PLPP4: variants seen among roughly 807,000 people sequenced by gnomAD.
The protein encoded by PLPP4 is phospholipid phosphatase 4.
A neutral mutation model predicts 32.2 loss-of-function variants in PLPP4; 20 were observed. That is an observed-to-expected ratio of 0.62 (90% CI 0.44 to 0.90). PLPP4 has a LOEUF of 0.90. PLPP4 is among the 40% of genes least tolerant of loss of function. PLPP4 has a pLI of 0.00. For synonymous variants in PLPP4, 127 were observed against 133.0 expected (o/e 0.95, Z 0.31); for missense variants, 257 against 353.1 (o/e 0.73, Z 2.18).
intron 3 of PLPP4, among the ~76,000 whole-genome samples, chr10:120,517,868 C>A (rs2133901097): frequency 6.6e-6 from 1 of 152,296 alleles, no homozygotes; most frequent in Middle Eastern, 3.4e-3. Context: ...CCCGAAAATG[C>A]CCCCATTCAC....
chr10:120,580,671 A>ACG (rs1849459553), intron 6 of PLPP4, among the ~76,000 whole-genome samples: 2 of 146,868 alleles, frequency 1.4e-5, no homozygotes, highest in Non-Finnish European at 3.0e-5. Context: ...ACACACACAC[A>ACG]CACACACACG....
intron 6 of PLPP4, among the ~76,000 whole-genome samples, chr10:120,578,231 G>A (rs939811215): frequency 2.6e-5 from 4 of 152,218 alleles, no homozygotes; most frequent in African/African-American, 9.7e-5. Flanking sequence ...GAGAAATCAA[G>A]GAGACCTCAA....
intron 1 of PLPP4, among the ~76,000 whole-genome samples, chr10:120,463,910 G>A (rs1365786408): frequency 6.6e-6 from 1 of 152,110 alleles, no homozygotes; most frequent in Non-Finnish European, 1.5e-5. Flanking sequence ...AACCTCCCAG[G>A]CTCAAGCAAT....
At chr10:120,544,980 G>A (rs537010378) in intron 5 of PLPP4, among the ~76,000 whole-genome samples, 5 of 152,336 alleles carry the variant, frequency 3.3e-5, no homozygotes, top group South Asian at 2.1e-4. Context: ...CTCCCTGAGC[G>A]TTTGGTTTTG....
intron 6 of PLPP4, among the ~76,000 whole-genome samples, chr10:120,580,343 A>G (rs956682666): frequency 1.3e-5 from 2 of 152,056 alleles, no homozygotes; most frequent in East Asian, 1.9e-4. Context: ...GCTTCTTCCA[A>G]TTGTTGTCAT....
At chr10:120,550,729 C>T (rs1051077914) in intron 5 of PLPP4, among the ~76,000 whole-genome samples, 24 of 151,832 alleles carry the variant, frequency 1.6e-4, no homozygotes, top group Admixed American at 2.6e-4. Flanking sequence ...TGACCCCTAC[C>T]TCATGCTATA....
Position 120,521,109 on chromosome 10 carries a change from T to A in PLPP4, c.445+14T>A, listed in dbSNP as rs201199852. ...TCCATTCCTCCTGTAAGTTCATGGC[T>A]GGGATTCTCTTAATGCCCCCAGTCA... On this transcript the variant is annotated intron_variant, in intron 5 of 6. Coordinates refer to ENST00000398250, the MANE Select transcript of PLPP4 (RefSeq NM_001030059.3). 8 of 1,613,674 alleles carry A rather than the reference T, an allele frequency of 5.0e-6. No homozygotes were observed. Among genetic ancestry groups the A allele is most frequent in the Non-Finnish European group, 8.5e-7 (1 of 1,179,798 alleles).
intron 1 of PLPP4, among the ~76,000 whole-genome samples, chr10:120,486,874 T>G (rs1181136560): frequency 1.3e-5 from 2 of 152,306 alleles, no homozygotes; most frequent in East Asian, 3.9e-4. Flanking sequence ...TTTGCCTGCC[T>G]TAAGGTCAGC....
Position 120,521,067 on chromosome 10 carries a change from C to T in PLPP4, c.417C>T (p.Arg139=). 6.2e-7 allele frequency: 1 copy of T among 1,614,136 alleles called. No individual in the cohort carries two copies. The change falls in exon 5 of 7, where the codon CGC becomes CGT. Residue 139 remains arginine, a synonymous_variant. Coordinates refer to ENST00000398250, the MANE Select transcript of PLPP4 (RefSeq NM_001030059.3). The part of the protein sequence containing the change: ...TGDPDLVSEG[R]KSFPSIHSSF... Reference sequence around the variant, plus strand: ...ACCCCGATCTGGTGTCCGAGGGCCGCAAAAGCTTCCCCAGCATCCATTCCT... The same window carrying T: ...ACCCCGATCTGGTGTCCGAGGGCCGTAAAAGCTTCCCCAGCATCCATTCCT...
chr10:120,517,222 G>C (rs4751787), intron 3 of PLPP4, among the ~76,000 whole-genome samples: 132,076 of 152,172 alleles, frequency 0.87, 58,797 homozygotes, highest in Non-Finnish European at 0.96. Flanking sequence ...AATGAGTTCA[G>C]CCCCACTGGG....
At chr10:120,570,114 AG>A (rs1432521669) in intron 5 of PLPP4, among the ~76,000 whole-genome samples, 1 of 152,156 alleles carries the variant, frequency 6.6e-6, no homozygotes, top group Non-Finnish European at 1.5e-5. Context: ...AAAAGCTTCC[AG>A]CACAGTGCCT....
intron 1 of PLPP4, among the ~76,000 whole-genome samples, chr10:120,489,832 A>C (rs1844631236): frequency 6.6e-6 from 1 of 152,186 alleles, no homozygotes. Context: ...CTTCCGATTA[A>C]AGATTCCAGG....
chr10:120,548,978 C>T (rs1473460501), intron 5 of PLPP4, among the ~76,000 whole-genome samples: 2 of 151,806 alleles, frequency 1.3e-5, no homozygotes, highest in Non-Finnish European at 2.9e-5. Context: ...AGATATTAGA[C>T]CTTTGTCAGA....
Position 120,467,822 on chromosome 10 carries a change from T to A in PLPP4, c.56+10461T>A, listed in dbSNP as rs572281655. On this transcript the variant is annotated intron_variant, in intron 1 of 6. Coordinates refer to ENST00000398250, the MANE Select transcript of PLPP4 (RefSeq NM_001030059.3). ...ATATTATGGGAGTTTGTTGTACTGATTATTTTGTCACCCAGGTATCAAGAC... is the reference window on the plus strand; with the variant it reads ...ATATTATGGGAGTTTGTTGTACTGAATATTTTGTCACCCAGGTATCAAGAC... Among the ~76,000 whole-genome samples the A allele has an allele frequency of 7.7e-5, 5 of 64,778 alleles. 1 individual carries two copies. The highest frequency in any genetic ancestry group is 1.6e-4 in the African/African-American group (5 of 30,370). The allele number at this position is 64,778 out of a possible 152,430, so 42.5% of individuals were successfully genotyped here. A position where few individuals can be genotyped will look rare whatever the true frequency, so the allele number is the denominator to read the frequency against.
chr10:120,547,719 G>A (rs1012500950), intron 5 of PLPP4, among the ~76,000 whole-genome samples: 2 of 152,026 alleles, frequency 1.3e-5, no homozygotes, highest in African/African-American at 4.8e-5. Flanking sequence ...CTCCAGTGTT[G>A]GTTATAGGAC....
chr10:120,564,729 T>C (rs1848607341), intron 5 of PLPP4, among the ~76,000 whole-genome samples: 1 of 151,972 alleles, frequency 6.6e-6, no homozygotes, highest in African/African-American at 2.4e-5. Context: ...TCTTTATCTC[T>C]AATATTGCTT....
intron 1 of PLPP4, among the ~76,000 whole-genome samples, chr10:120,461,917 G>A (rs1235676548): frequency 6.6e-6 from 1 of 152,188 alleles, no homozygotes; most frequent in Non-Finnish European, 1.5e-5. Context: ...TGCTTTACCT[G>A]GTCCAGGTGA....
At chr10:120,584,290 G>A (rs1269968701) in intron 6 of PLPP4, among the ~76,000 whole-genome samples, 4 of 152,160 alleles carry the variant, frequency 2.6e-5, no homozygotes, top group African/African-American at 9.7e-5. Context: ...TGTGCTGGGC[G>A]AGCTCACAGA....
At chr10:120,520,939 T>C (rs1459971811) in intron 4 of PLPP4, 32 bp from the exon 5 acceptor site, 1 of 1,613,286 alleles carries the variant, frequency 6.2e-7, no homozygotes, top group African/African-American at 1.3e-5. Context: ...GGCAGCATTT[T>C]ATATTGAAAA....
Sources: gnomAD v4.1 joint callset for allele counts (sites outside exome capture counted in the v4.1 genomes callset) on GRCh38, gnomAD v4.1.1 for gene constraint, MANE v1.5 for transcripts, NCBI Gene and HGNC (gene_info 2026-07-23, HGNC 2026-07-21) for gene names.